The following CNTNAP5 variants were observed in gnomAD, a reference collection of about 807,000 sequenced individuals.
The protein encoded by CNTNAP5 is contactin associated protein family member 5, also known as contactin-associated protein-like 5.
Under a neutral mutation model 150.2 loss-of-function variants are expected in CNTNAP5, and 72 were observed. The ratio of observed to expected loss-of-function variants is 0.48; its 90% confidence interval spans 0.40 to 0.58. CNTNAP5 has a LOEUF of 0.58. CNTNAP5 is among the 20% of genes least tolerant of loss of function. The pLI is 0.00. For missense variants in CNTNAP5, 1,636 were observed against 1,626.2 expected (o/e 1.01, Z -0.10); for synonymous variants, 672 against 619.8 (o/e 1.08, Z -1.25).
intron 1 of CNTNAP5, among the ~76,000 whole-genome samples, chr2:124,104,798 C>G (rs999677766): frequency 3.3e-5 from 5 of 152,250 alleles, no homozygotes; most frequent in African/African-American, 1.2e-4. Context: ...CATGACTTTC[C>G]CATTCAAAAC....
chr2:124,414,630 A>G (rs1168851157), intron 3 of CNTNAP5, among the ~76,000 whole-genome samples: 1 of 152,182 alleles, frequency 6.6e-6, no homozygotes, highest in Non-Finnish European at 1.5e-5. Flanking sequence ...ATTAACTCCT[A>G]TAAAGCATTG....
At chr2:124,209,299 C>T (rs1685944845) in intron 1 of CNTNAP5, among the ~76,000 whole-genome samples, 1 of 152,098 alleles carries the variant, frequency 6.6e-6, no homozygotes, top group African/African-American at 2.4e-5. Flanking sequence ...CGTTGCCTAC[C>T]CAGTTAATAC....
chr2:124,296,269 G>T (rs1482042165), intron 3 of CNTNAP5, among the ~76,000 whole-genome samples: 1 of 152,152 alleles, frequency 6.6e-6, no homozygotes, highest in Non-Finnish European at 1.5e-5. Flanking sequence ...GTCTGTGATT[G>T]GGTGGCCATT....
rs115432953 is a variant in CNTNAP5 at position 124,592,514 on chromosome 2, T to C, written c.1757-17287T>C. On this transcript the variant is annotated intron_variant, in intron 11 of 23. Transcript: ENST00000682447. ...TAAATGCAAATAAATCTACAACACATAAAAACATGTCTGACCTTGCTTATA... is the reference window on the plus strand; with the variant it reads ...TAAATGCAAATAAATCTACAACACACAAAAACATGTCTGACCTTGCTTATA... Among the ~76,000 whole-genome samples the C allele has an allele frequency of 6.4e-3, 963 of 150,878 alleles. 15 individuals carry two copies. The highest frequency in any genetic ancestry group is 0.021 in the African/African-American group (878 of 41,110).
At chr2:124,247,079 GT>G (rs1687048646) in intron 3 of CNTNAP5, among the ~76,000 whole-genome samples, 1 of 152,080 alleles carries the variant, frequency 6.6e-6, no homozygotes, top group Non-Finnish European at 1.5e-5. Flanking sequence ...TTGGTCATCA[GT>G]TCCCCGATTT....
At chr2:124,082,624 A>C (rs911315569) in intron 1 of CNTNAP5, among the ~76,000 whole-genome samples, 3 of 152,332 alleles carry the variant, frequency 2.0e-5, no homozygotes, top group African/African-American at 7.2e-5. Flanking sequence ...TTGTGTACAA[A>C]GCTTTGTATA....
intron 22 of CNTNAP5, among the ~76,000 whole-genome samples, chr2:124,906,660 T>C (rs1678543794): frequency 6.6e-6 from 1 of 152,188 alleles, no homozygotes; most frequent in East Asian, 1.9e-4. Flanking sequence ...CCAAGACTTT[T>C]AGCCTGAGAT....
intron 19 of CNTNAP5, among the ~76,000 whole-genome samples, chr2:124,862,595 G>C (rs377651359): frequency 6.6e-6 from 1 of 152,298 alleles, no homozygotes; most frequent in South Asian, 2.1e-4. Context: ...GCAATGCCAG[G>C]CAAGAAGCTG....
chr2:124,909,920 A>G (rs1316853855), intron 22 of CNTNAP5, among the ~76,000 whole-genome samples: 2 of 148,396 alleles, frequency 1.3e-5, no homozygotes, highest in South Asian at 2.1e-4. Context: ...ATGATTAATA[A>G]TATCAATTTC....
chr2:124,510,510 TATATATATAC>T (rs1694560482), intron 8 of CNTNAP5, among the ~76,000 whole-genome samples: 1 of 124,486 alleles, frequency 8.0e-6, no homozygotes, highest in African/African-American at 3.2e-5. Context: ...TATATATATA[TATATATATAC>T]ATATATCTCC....
intron 1 of CNTNAP5, among the ~76,000 whole-genome samples, chr2:124,090,737 G>C (rs549645151): frequency 6.6e-6 from 1 of 152,150 alleles, no homozygotes; most frequent in Non-Finnish European, 1.5e-5. Context: ...GCCATGATAC[G>C]AGAAACTTTT....
intron 1 of CNTNAP5, among the ~76,000 whole-genome samples, chr2:124,142,116 A>G (rs1684127750): frequency 7.0e-6 from 1 of 143,458 alleles, no homozygotes; most frequent in Non-Finnish European, 1.5e-5. Context: ...TGCACCCAAT[A>G]CAGGAGCACC....
chr2:124,600,668 TG>T (rs1696964502), intron 11 of CNTNAP5, among the ~76,000 whole-genome samples: 1 of 147,750 alleles, frequency 6.8e-6, no homozygotes, highest in African/African-American at 2.5e-5. Context: ...CACAATGGCA[TG>T]ACAAAAGGAG....
chr2:124,173,077 T>TA (rs1273291003), intron 1 of CNTNAP5, among the ~76,000 whole-genome samples: 1 of 152,188 alleles, frequency 6.6e-6, no homozygotes. Context: ...TCTTTAATGT[T>TA]AGTTATCCTT....
intron 3 of CNTNAP5, among the ~76,000 whole-genome samples, chr2:124,244,753 C>A (rs570416014): frequency 6.6e-6 from 1 of 152,170 alleles, no homozygotes; most frequent in African/African-American, 2.4e-5. Context: ...AATAGGTGTC[C>A]CCTTAATTAA....
intron 7 of CNTNAP5, among the ~76,000 whole-genome samples, chr2:124,476,849 TC>T (rs1315170041): frequency 4.6e-5 from 7 of 152,102 alleles, no homozygotes; most frequent in Admixed American, 3.3e-4. Context: ...CCTTTCCTCA[TC>T]CTTTGGCTAT....
At chr2:124,865,535 GGA>G in intron 20 of CNTNAP5, 99 bp downstream of exon 20, 1 of 1,109,416 alleles carries the variant, frequency 9.0e-7, no homozygotes, top group Non-Finnish European at 1.3e-6. Context: ...GCCTAGTGCT[GGA>G]AACATAGTTA....
intron 1 of CNTNAP5, among the ~76,000 whole-genome samples, chr2:124,046,341 T>C (rs1681533479): frequency 6.6e-6 from 1 of 151,214 alleles, no homozygotes; most frequent in Non-Finnish European, 1.5e-5. Flanking sequence ...TGAACATTTT[T>C]AATACAAAGA....
At position 124,474,892 on chromosome 2, in the gene CNTNAP5, C is replaced by G. The variant is rs776637306; in HGVS notation, c.1062+10C>G. The G allele has an allele frequency of 3.1e-6, 5 of 1,590,458 alleles. No homozygotes were observed. The African/African-American group carries it at 6.8e-5, about 22-fold the overall frequency. The stretch of plus-strand genomic sequence containing the variant: ...TCAGATCTATACTGTGGTAAGTCAG[C>G]CCATCTGTTTTGTCTTGATGGTTTC... On this transcript the variant is annotated intron_variant, in intron 7 of 23. Coordinates refer to ENST00000682447, the MANE Select transcript of CNTNAP5 (RefSeq NM_001367498.1).
Sources: allele counts gnomAD v4.1 joint callset (sites outside exome capture counted in the v4.1 genomes callset), GRCh38; gene constraint gnomAD v4.1.1; transcripts MANE v1.5; gene names NCBI Gene and HGNC (gene_info 2026-07-23, HGNC 2026-07-21).